SYT1: variants seen among roughly 807,000 people sequenced by gnomAD.
SYT1 encodes synaptotagmin-1.
Under a neutral mutation model 44.8 loss-of-function variants are expected in SYT1, and 8 were observed. The observed-to-expected ratio is 0.18, with a 90% CI of 0.10 to 0.32. The LOEUF (loss-of-function observed/expected upper bound fraction) is 0.32. SYT1 is among the 10% of genes least tolerant of loss of function. The pLI, the probability that SYT1 is intolerant of heterozygous loss-of-function variation, is 1.00. For missense variants in SYT1, 286 were observed against 509.3 expected (o/e 0.56, Z 4.22); for synonymous variants, 154 against 188.8 (o/e 0.82, Z 1.51).
At chr12:79,232,803 C>T (rs1399006505) in intron 4 of SYT1, among the ~76,000 whole-genome samples, 1 of 151,922 alleles carries the variant, frequency 6.6e-6, no homozygotes, top group Non-Finnish European at 1.5e-5. Flanking sequence ...GCTCAAAGGC[C>T]CTCATATCAA....
chr12:79,374,382 T>A (rs1000905780), intron 9 of SYT1, among the ~76,000 whole-genome samples: 4 of 152,294 alleles, frequency 2.6e-5, no homozygotes, highest in African/African-American at 9.6e-5. Context: ...GAGAAAAAGA[T>A]GATATCATGT....
chr12:79,141,519 C>T (rs1254024857), intron 3 of SYT1, among the ~76,000 whole-genome samples: 3 of 151,910 alleles, frequency 2.0e-5, no homozygotes, highest in African/African-American at 7.3e-5. Context: ...ATTTGAAAAA[C>T]ATGAGAAATA....
At chr12:78,940,540 C>A (rs766521842) in intron 1 of SYT1, among the ~76,000 whole-genome samples, 2 of 151,642 alleles carry the variant, frequency 1.3e-5, no homozygotes, top group African/African-American at 4.9e-5. Flanking sequence ...CAGGAGACTG[C>A]CACCATGCAC....
intron 9 of SYT1, among the ~76,000 whole-genome samples, chr12:79,424,944 TTTC>T (rs1334515390): frequency 2.1e-4 from 31 of 145,736 alleles, no homozygotes; most frequent in Non-Finnish European, 4.0e-4. Context: ...GCTTTTGATT[TTTC>T]TTCTTCTTTT....
chr12:79,028,276 A>C (rs1457694827), intron 2 of SYT1, among the ~76,000 whole-genome samples: 1 of 151,440 alleles, frequency 6.6e-6, no homozygotes, highest in Non-Finnish European at 1.5e-5. Context: ...ACTTCAATAC[A>C]AATCTGTTTT....
At chr12:79,331,024 C>T (rs1406600892) in intron 8 of SYT1, among the ~76,000 whole-genome samples, 2 of 152,170 alleles carry the variant, frequency 1.3e-5, no homozygotes, top group Non-Finnish European at 2.9e-5. Flanking sequence ...GGAAATATTT[C>T]TTAGTGACCC....
chr12:79,344,704 G>A (rs1273852091), intron 8 of SYT1, among the ~76,000 whole-genome samples: 2 of 151,994 alleles, frequency 1.3e-5, no homozygotes, highest in Non-Finnish European at 2.9e-5. Context: ...CAGTCTGCCC[G>A]CCTCTGCCTT....
intron 2 of SYT1, among the ~76,000 whole-genome samples, chr12:79,020,521 A>G (rs1872119788): frequency 6.6e-6 from 1 of 152,026 alleles, no homozygotes; most frequent in Non-Finnish European, 1.5e-5. Flanking sequence ...GGAAACCAAT[A>G]TAAACAACAA....
chr12:79,366,048 TAAAAAC>T (rs1344241827), intron 9 of SYT1, among the ~76,000 whole-genome samples: 1 of 152,192 alleles, frequency 6.6e-6, no homozygotes, highest in Non-Finnish European at 1.5e-5. Context: ...CTAGACTTTA[TAAAAAC>T]AATTAAGCAT....
At chr12:79,318,973 C>A (rs964219042) in intron 8 of SYT1, among the ~76,000 whole-genome samples, 3 of 152,074 alleles carry the variant, frequency 2.0e-5, no homozygotes. Flanking sequence ...TTGAAATGCC[C>A]GCCTGATATA....
rs146652637 is a variant in SYT1 at position 78,996,807 on chromosome 12, C to T, written c.-84+18876C>T. The stretch of plus-strand genomic sequence containing the variant: ...AAGAACACAAGTAAACTAACAAAAG[C>T]AGCCTGGGAAATGCAGTGCTTTAAA... On this transcript the variant is annotated intron_variant, in intron 2 of 10. Coordinates refer to ENST00000261205, the MANE Select transcript of SYT1 (RefSeq NM_005639.3). 2.5e-3 allele frequency among the ~76,000 whole-genome samples: 387 copies of T among 152,240 alleles called. 2 individuals carry two copies. Among genetic ancestry groups the T allele is most frequent in the Non-Finnish European group, 3.8e-3 (257 of 68,014 alleles).
At chr12:79,412,188 C>T (rs1212018647) in intron 9 of SYT1, among the ~76,000 whole-genome samples, 1 of 152,146 alleles carries the variant, frequency 6.6e-6, no homozygotes, top group Non-Finnish European at 1.5e-5. Flanking sequence ...GTCCCTTCTG[C>T]CATGATTCTT....
chr12:79,066,602 G>A (rs1875879917), intron 3 of SYT1, among the ~76,000 whole-genome samples: 1 of 152,078 alleles, frequency 6.6e-6, no homozygotes, highest in Non-Finnish European at 1.5e-5. Flanking sequence ...AGTAAATATT[G>A]TGAATTATAC....
At chr12:79,173,090 G>C (rs936373406) in intron 3 of SYT1, among the ~76,000 whole-genome samples, 1 of 147,292 alleles carries the variant, frequency 6.8e-6, no homozygotes. Flanking sequence ...CTGATTAATA[G>C]CATCTCTACC....
At chr12:78,953,289 A>C (rs1879058463) in intron 1 of SYT1, among the ~76,000 whole-genome samples, 1 of 152,082 alleles carries the variant, frequency 6.6e-6, no homozygotes, top group Non-Finnish European at 1.5e-5. Flanking sequence ...ATCTGGTCTG[A>C]GAGTCCACTT....
intron 2 of SYT1, among the ~76,000 whole-genome samples, chr12:78,992,502 C>T (rs141326009): frequency 0.012 from 1,836 of 152,296 alleles, 31 homozygotes; most frequent in Non-Finnish European, 0.019. Context: ...ACATCAAATG[C>T]AGCAAGGATT....
intron 9 of SYT1, among the ~76,000 whole-genome samples, chr12:79,428,340 C>T (rs1869568918): frequency 6.6e-6 from 1 of 152,154 alleles, no homozygotes; most frequent in Non-Finnish European, 1.5e-5. Flanking sequence ...CAACAGAATA[C>T]ACTCACCTGG....
chr12:79,432,987 C>G (rs1429489383), intron 9 of SYT1, among the ~76,000 whole-genome samples: 1 of 152,030 alleles, frequency 6.6e-6, no homozygotes, highest in Non-Finnish European at 1.5e-5. Flanking sequence ...TTACCCAACC[C>G]CCTAGGAAAT....
At chr12:79,341,660 C>CTTTTTTTTT in intron 8 of SYT1, among the ~76,000 whole-genome samples, 1 of 63,042 alleles carries the variant, frequency 1.6e-5, no homozygotes, top group Non-Finnish European at 2.8e-5. Context: ...TACATTCATT[C>CTTTTTTTTT]TTTTTTTTTT....
Sources: allele counts gnomAD v4.1 joint callset (sites outside exome capture counted in the v4.1 genomes callset), GRCh38; gene constraint gnomAD v4.1.1; transcripts MANE v1.5; gene names NCBI Gene and HGNC (gene_info 2026-07-23, HGNC 2026-07-21).